SEC24A: variants seen among roughly 807,000 people sequenced by gnomAD.
The protein encoded by SEC24A is SEC24 homolog A, COPII component, also known as protein transport protein Sec24A.
In SEC24A, 93 loss-of-function variants were observed where a neutral mutation model predicts 129.4. The observed-to-expected ratio is 0.72, with a 90% CI of 0.61 to 0.85. The LOEUF is 0.85. Among genes scored for constraint, SEC24A ranks in the 40% least tolerant of loss-of-function variants. SEC24A has a pLI of 0.00. For synonymous variants in SEC24A, 460 were observed against 467.3 expected (o/e 0.98, Z 0.20); for missense variants, 1,264 against 1,307.4 (o/e 0.97, Z 0.51).
Position 134,721,096 on chromosome 5 carries a change from A to G in SEC24A, c.3063+6A>G. 1 of 1,547,596 alleles carries G rather than the reference A, an allele frequency of 6.5e-7. No homozygotes were observed. The highest frequency in any genetic ancestry group is 8.9e-7 in the Non-Finnish European group (1 of 1,121,240). ...CATCAATTCCACAGCCTATGGTAAG[A>G]CTCTTTTATTATAGTGATTATAAAG... On this transcript the variant is annotated splice_donor_region_variant and intron_variant, in intron 21 of 22. Coordinates refer to ENST00000398844, the MANE Select transcript of SEC24A (RefSeq NM_021982.3).
At chr5:134,679,438 A>G (rs1166764287) in intron 7 of SEC24A, among the ~76,000 whole-genome samples, 164 bp from the exon 8 acceptor site, 1 of 152,090 alleles carries the variant, frequency 6.6e-6, no homozygotes, top group Non-Finnish European at 1.5e-5. Flanking sequence ...ATACATTTCA[A>G]CTACATGGTT....
chr5:134,693,941 A>T lies in SEC24A; in HGVS notation c.1986+8A>T. 6.2e-7 allele frequency: 1 copy of T among 1,611,026 alleles called. No individual in the cohort carries two copies. Among genetic ancestry groups the T allele is most frequent in the Non-Finnish European group, 8.5e-7 (1 of 1,177,254 alleles). ...CACAGGTCATCTGCTAAGGTTAGAG[A>T]GTCATGAAATGTCTGATAAGGTTTA... On this transcript the variant is annotated splice_region_variant and intron_variant, in intron 13 of 22. Coordinates refer to ENST00000398844, the MANE Select transcript of SEC24A (RefSeq NM_021982.3).
At position 134,705,309 on chromosome 5, in the gene SEC24A, T is replaced by G; in HGVS notation, c.2441-18T>G. ...TATATAGTTGCCCCTCACTGTTGTT[T>G]GTGTATTTTCCCCAAAGGCGAAAGA... On this transcript the variant is annotated intron_variant, in intron 16 of 22. Coordinates refer to ENST00000398844, the MANE Select transcript of SEC24A (RefSeq NM_021982.3). 2 of 1,583,226 alleles carry G rather than the reference T, an allele frequency of 1.3e-6. No homozygotes were observed. The highest frequency in any genetic ancestry group is 4.5e-5 in the East Asian group (2 of 44,708).
At chr5:134,713,973 C>T (rs1158069718) in intron 18 of SEC24A, among the ~76,000 whole-genome samples, 1 of 151,294 alleles carries the variant, frequency 6.6e-6, no homozygotes, top group African/African-American at 2.4e-5. Flanking sequence ...ACCTGGGAGG[C>T]AGAGGTTGCA....
chr5:134,703,184 A>G (rs1752053956), intron 15 of SEC24A, among the ~76,000 whole-genome samples: 1 of 152,080 alleles, frequency 6.6e-6, no homozygotes, highest in Admixed American at 6.6e-5. Flanking sequence ...TATCTGTAGG[A>G]CACATTCTTT....
In SEC24A at chr5:134,658,097, C is replaced by T. The variant is rs369466407; in HGVS notation, c.98-3022C>T. Among the ~76,000 whole-genome samples, 120 of 152,154 alleles carry T rather than the reference C, an allele frequency of 7.9e-4. 2 individuals are homozygous for T. The East Asian group carries it at 0.016, about 20-fold the overall frequency. ...CAGCCTGGCCAACATGGTGAAATCCCGTCTCTACTAAAAATACAAAATTAG... is the reference window on the plus strand; with the variant it reads ...CAGCCTGGCCAACATGGTGAAATCCTGTCTCTACTAAAAATACAAAATTAG... On this transcript the variant is annotated intron_variant, in intron 1 of 22. Coordinates refer to ENST00000398844, the MANE Select transcript of SEC24A (RefSeq NM_021982.3).
rs756187748 is a variant in SEC24A, at chr5:134,649,184, T to C, written c.97+11T>C. 6.3e-7 allele frequency: 1 copy of C among 1,587,132 alleles called. No individual in the cohort carries two copies. The highest frequency in any genetic ancestry group is 1.4e-5 in the African/African-American group (1 of 73,670). On this transcript the variant is annotated intron_variant, in intron 1 of 22. Transcript: ENST00000398844. Reference sequence around the variant, plus strand: ...CTCCCTACACCAACGGTGAGTGCTGTCCGGGGGGAGGGCGCAGCCTGGCCA... The same window carrying C: ...CTCCCTACACCAACGGTGAGTGCTGCCCGGGGGGAGGGCGCAGCCTGGCCA...
At chr5:134,659,047 T>TTTA (rs1750348401) in intron 1 of SEC24A, among the ~76,000 whole-genome samples, 3 of 138,766 alleles carry the variant, frequency 2.2e-5, no homozygotes, top group Non-Finnish European at 4.6e-5. Flanking sequence ...ACCCATTTAT[T>TTTA]TTTATTTATT....
intron 1 of SEC24A, among the ~76,000 whole-genome samples, chr5:134,652,432 T>C (rs1245486893): frequency 1.3e-5 from 2 of 150,774 alleles, no homozygotes; most frequent in East Asian, 4.0e-4. Context: ...ACTACAGGCA[T>C]GCGCCACTAT....
At chr5:134,698,381 A>T (rs1324801251) in intron 15 of SEC24A, among the ~76,000 whole-genome samples, 1 of 152,118 alleles carries the variant, frequency 6.6e-6, no homozygotes, top group Non-Finnish European at 1.5e-5. Context: ...AGGCTGGTGG[A>T]TCGCTTGAGC....
chr5:134,649,342 C>G (rs1033166131), intron 1 of SEC24A, 169 bp downstream of exon 1: 25 of 486,062 alleles, frequency 5.1e-5, no homozygotes, highest in African/African-American at 4.6e-4. Flanking sequence ...GCACCTGTAG[C>G]CCCAGGCTCG....
rs1432751987 is a variant in SEC24A at position 134,676,140 on chromosome 5, TTTTC to T, written c.1254+19_1254+22del. On this transcript the variant is annotated intron_variant, in intron 7 of 22. Coordinates refer to ENST00000398844, the MANE Select transcript of SEC24A (RefSeq NM_021982.3). ...AAGACTTAGTGGTATGTTTCTTTTC[TTTTC>T]TTTTTTTTTTTTTGAGACGGAGTCT... The T allele has an allele frequency of 6.4e-6, 10 of 1,573,212 alleles. No individual in the cohort carries two copies. Among genetic ancestry groups the T allele is most frequent in the Admixed American group, 1.9e-5 (1 of 52,240 alleles).
chr5:134,682,619 T>G, intron 9 of SEC24A, 137 bp downstream of exon 9: 1 of 517,822 alleles, frequency 1.9e-6, no homozygotes. Context: ...CATGCTGGAG[T>G]GCAGTGGTGC....
rs1222142872 is a variant in SEC24A, at chr5:134,709,028, A to G, written c.2727+140A>G. On this transcript the variant is annotated intron_variant, in intron 18 of 22. Coordinates refer to ENST00000398844, the MANE Select transcript of SEC24A (RefSeq NM_021982.3). ...TGAGACCAGCCTGGGCAATATGGTG[A>G]AACCTGGTCTCTGCAAAAAATACAA... 5 of 755,592 alleles carry G rather than the reference A, an allele frequency of 6.6e-6. No individual in the cohort carries two copies. The Admixed American group carries it at 8.6e-5, about 13-fold the overall frequency. 46.8% of individuals were successfully genotyped at this position (755,592 alleles called of 1,614,324 possible). A position where few individuals can be genotyped will look rare whatever the true frequency, so the allele number is the denominator to read the frequency against.
rs538693284 is a variant in SEC24A, at chr5:134,692,589, TTTC to T, written c.1724-7_1724-5del. 1.3e-3 allele frequency: 1,591 copies of T among 1,191,718 alleles called. 11 individuals carry two copies. The Middle Eastern group carries it at 0.014, about 11-fold the overall frequency. The allele number at this position is 1,191,718 out of a possible 1,614,324, so 73.8% of individuals were successfully genotyped here. On this transcript the variant is annotated splice_polypyrimidine_tract_variant and intron_variant, in intron 11 of 22. Transcript: ENST00000398844. ...ACATTTTGTTTAAAATAAATATGTA[TTTC>T]TTCTTTCAGATGTTTTTATACCTAT...
In SEC24A at chr5:134,715,069, T is replaced by G; in HGVS notation, c.2773T>G (p.Phe925Val). The change falls in exon 19 of 23, where the codon TTT becomes GTT. Residue 925 changes from phenylalanine (F) to valine (V), a missense_variant. Physicochemically the swap from Phe to Val is conservative, Grantham distance 50 (BLOSUM62 -1). Coordinates refer to ENST00000398844, the MANE Select transcript of SEC24A (RefSeq NM_021982.3). ...AAATGCACGTCTAGATGAACGCATT[T>G]TTGCTATGTGTCAAGTGAAAAACCA... ...GTNARLDERIFAMCQVKNQPL... is the reference protein window; with the variant it reads ...GTNARLDERIVAMCQVKNQPL... 6.2e-7 allele frequency: 1 copy of G among 1,613,050 alleles called. No individual in the cohort carries two copies.
chr5:134,682,509 T>C lies in SEC24A; in HGVS notation c.1491+27T>C, dbSNP rs376510461. ...TAAACTTTTATTTTTTGATACAGTA[T>C]ACCCATTTTTTATTACCAGGTTTTA... is the stretch of plus-strand genomic sequence containing the variant. On this transcript the variant is annotated intron_variant, in intron 9 of 22. Coordinates refer to ENST00000398844, the MANE Select transcript of SEC24A (RefSeq NM_021982.3). The C allele has an allele frequency of 2.8e-5, 32 of 1,157,806 alleles. No homozygotes were observed. The African/African-American group carries it at 3.9e-4, about 14-fold the overall frequency. The allele number at this position is 1,157,806 out of a possible 1,614,324, so 71.7% of individuals were successfully genotyped here. A position where few individuals can be genotyped will look rare whatever the true frequency, so the allele number is the denominator to read the frequency against.
intron 1 of SEC24A, among the ~76,000 whole-genome samples, chr5:134,650,792 G>A (rs568105985): frequency 1.3e-4 from 19 of 151,316 alleles, no homozygotes; most frequent in African/African-American, 4.6e-4. Context: ...TTTGTTTTTT[G>A]AGACGGAGTT....
intron 4 of SEC24A, among the ~76,000 whole-genome samples, chr5:134,673,899 C>G (rs990336354): frequency 1.3e-5 from 2 of 152,002 alleles, no homozygotes; most frequent in African/African-American, 4.8e-5. Flanking sequence ...TTCGGGAGGC[C>G]AAGGCAGGCA....
Sources: allele counts gnomAD v4.1 joint callset (sites outside exome capture counted in the v4.1 genomes callset), GRCh38; gene constraint gnomAD v4.1.1; transcripts MANE v1.5; gene names NCBI Gene and HGNC (gene_info 2026-07-23, HGNC 2026-07-21).